Variants in NRG4 observed in about 807,000 individuals in gnomAD.
The protein encoded by NRG4 is pro-neuregulin-4, membrane-bound isoform.
A neutral mutation model predicts 15.0 loss-of-function variants in NRG4; 10 were observed. The observed-to-expected ratio is 0.67, with a 90% CI of 0.41 to 1.13. The LOEUF is 1.13. NRG4 is among the 50% of genes most tolerant of loss of function. The probability of loss-of-function intolerance (pLI) is 0.00; values close to 1 mark genes in which losing one functional copy is unlikely to be tolerated. For synonymous variants in NRG4, 41 were observed against 50.1 expected (o/e 0.82, Z 0.77); for missense variants, 139 against 140.2 (o/e 0.99, Z 0.04).
chr15:75,988,693 G>A (rs1488557386), intron 3 of NRG4, among the ~76,000 whole-genome samples: 1 of 152,080 alleles, frequency 6.6e-6, no homozygotes, highest in Non-Finnish European at 1.5e-5. Flanking sequence ...CAAGGAACTA[G>A]AGATATTAGA....
At chr15:75,971,931 G>C (rs572004273) in intron 3 of NRG4, among the ~76,000 whole-genome samples, 9 of 152,282 alleles carry the variant, frequency 5.9e-5, no homozygotes, top group African/African-American at 2.2e-4. Context: ...CTAGATTCTT[G>C]AGGAATCCCC....
chr15:76,050,564 G>A (rs1452703541), intron 4 of NRG4, among the ~76,000 whole-genome samples: 1 of 143,752 alleles, frequency 7.0e-6, no homozygotes, highest in Non-Finnish European at 1.5e-5. Context: ...CCAAGTAGCT[G>A]GGATTACAGG....
intron 5 of NRG4, among the ~76,000 whole-genome samples, chr15:76,035,603 G>A (rs2035580870): frequency 6.6e-6 from 1 of 151,982 alleles, no homozygotes; most frequent in Non-Finnish European, 1.5e-5. Flanking sequence ...CAGTGTTATA[G>A]AAATACATTT....
downstream of NRG4, chr15:75,938,779 G>A (rs2030638621): frequency 6.6e-6 from 1 of 152,112 alleles, no homozygotes. Context: ...AGAAGATATG[G>A]TGCATTTTTG....
intron 3 of NRG4, among the ~76,000 whole-genome samples, chr15:75,993,677 GAC>G (rs1284669309): frequency 6.7e-6 from 1 of 150,206 alleles, no homozygotes; most frequent in Non-Finnish European, 1.5e-5. Context: ...CAGCCTGGGT[GAC>G]AGAGTGAGAC....
At chr15:75,949,782 G>GT (rs1429005637) in intron 5 of NRG4, among the ~76,000 whole-genome samples, 1 of 152,124 alleles carries the variant, frequency 6.6e-6, no homozygotes. Context: ...CTGAATTCAT[G>GT]TTTTTGCATG....
intron 3 of NRG4, among the ~76,000 whole-genome samples, chr15:75,964,272 A>C (rs913636956): frequency 3.3e-5 from 5 of 152,162 alleles, no homozygotes; most frequent in African/African-American, 7.2e-5. Flanking sequence ...GAGTAAAAGA[A>C]ACTGGGTGCT....
rs2031106989 is a variant in NRG4, at chr15:75,942,558, C to A, written c.*1080G>T. On this transcript the variant is annotated 3_prime_UTR_variant, in exon 6 of 6. Coordinates refer to ENST00000394907, the MANE Select transcript of NRG4 (RefSeq NM_138573.4). ...GTACTCTGTCTCAATGTCTTACCCT[C>A]ATGTGTTTGTGAAATGAGTGAATGA... The A allele has an allele frequency of 6.6e-6, 1 of 152,136 alleles. No homozygotes were observed. 9.4% of individuals were successfully genotyped at this position (152,136 alleles called of 1,614,324 possible). A position where few individuals can be genotyped will look rare whatever the true frequency, so the allele number is the denominator to read the frequency against.
At chr15:75,984,254 T>C (rs934900865) in intron 3 of NRG4, among the ~76,000 whole-genome samples, 26 of 152,138 alleles carry the variant, frequency 1.7e-4, no homozygotes, top group Non-Finnish European at 2.9e-5. Context: ...TGGTTGGTGG[T>C]GTTGATAACG....
Sources: allele counts gnomAD v4.1 joint callset (sites outside exome capture counted in the v4.1 genomes callset), GRCh38; gene constraint gnomAD v4.1.1; transcripts MANE v1.5; gene names NCBI Gene and HGNC (gene_info 2026-07-23, HGNC 2026-07-21).